Variants in PEAK1 observed in about 807,000 individuals in gnomAD.
PEAK1 encodes the protein inactive tyrosine-protein kinase PEAK1.
In PEAK1, 54 loss-of-function variants were observed where a neutral mutation model predicts 124.7. That is an observed-to-expected ratio of 0.43 (90% CI 0.35 to 0.54). The LOEUF (loss-of-function observed/expected upper bound fraction) is 0.54, where lower values mean the gene tolerates loss of function less well. PEAK1 is among the 20% of genes least tolerant of loss of function. PEAK1 has a pLI of 0.01. For missense variants in PEAK1, 2,046 were observed against 2,134.5 expected (o/e 0.96, Z 0.82); for synonymous variants, 719 against 760.0 (o/e 0.95, Z 0.89).
At chr15:77,287,791 C>A (rs1472697486) in intron 2 of PEAK1, among the ~76,000 whole-genome samples, 1 of 152,190 alleles carries the variant, frequency 6.6e-6, no homozygotes, top group Non-Finnish European at 1.5e-5. Context: ...TTCATCTTTT[C>A]CTAAAATCTG....
chr15:77,272,366 G>A (rs1290289328), intron 5 of PEAK1, among the ~76,000 whole-genome samples: 2 of 152,094 alleles, frequency 1.3e-5, no homozygotes, highest in African/African-American at 4.8e-5. Context: ...GACCATTAGT[G>A]AGATTAACCA....
At position 77,337,786 on chromosome 15, in the gene PEAK1, T is replaced by G. The variant is rs371398596; in HGVS notation, c.-603+27377A>C. The G allele has an allele frequency of 8.5e-5, 84 of 985,292 alleles. No homozygotes were observed. In the African/African-American group the frequency reaches 1.3e-3, roughly 15 times the overall value. The allele number at this position is 985,292 out of a possible 1,614,324, so 61.0% of individuals were successfully genotyped here. ...ACAAAATCTGGAACACATTTTATAC[T>G]TGAGGAAGACAGAATGGAAAACGCT... On this transcript the variant is annotated intron_variant, in intron 2 of 9. Coordinates refer to ENST00000682557, the MANE Select transcript of PEAK1 (RefSeq NM_001385026.1).
At chr15:77,261,689 G>A (rs886948592) in intron 5 of PEAK1, among the ~76,000 whole-genome samples, 5 of 152,148 alleles carry the variant, frequency 3.3e-5, no homozygotes, top group East Asian at 1.9e-4. Context: ...CACTCTGCAG[G>A]ATATTATCCA....
intron 6 of PEAK1, among the ~76,000 whole-genome samples, chr15:77,225,666 TTATATATATATATA>T (rs55958042): frequency 6.8e-5 from 6 of 87,994 alleles, no homozygotes; most frequent in Non-Finnish European, 1.2e-4. Flanking sequence ...TGTGTATAAT[TTATATATATATATA>T]TATATATATA....
At chr15:77,389,192 T>C (rs1246765195) in intron 1 of PEAK1, among the ~76,000 whole-genome samples, 2 of 152,116 alleles carry the variant, frequency 1.3e-5, no homozygotes, top group East Asian at 1.9e-4. Flanking sequence ...GGGCTCAAAG[T>C]GATTCTCCTG....
chr15:77,349,176 A>C (rs2067059092), intron 2 of PEAK1: 1 of 386,898 alleles, frequency 2.6e-6, no homozygotes, highest in Non-Finnish European at 3.5e-6. Context: ...AGTAGCTGGG[A>C]CTACAGGCAC....
intron 2 of PEAK1, among the ~76,000 whole-genome samples, chr15:77,313,644 ATGTATGTATGTGTG>A (rs2064627208): frequency 2.7e-5 from 2 of 75,404 alleles, no homozygotes; most frequent in Non-Finnish European, 5.5e-5. Context: ...GTATGTATGT[ATGTATGTATGTGTG>A]TGTGTGTGTG....
chr15:77,313,742 T>TATATATATATATATA (rs760524195), intron 2 of PEAK1, among the ~76,000 whole-genome samples: 66 of 113,468 alleles, frequency 5.8e-4, no homozygotes, highest in East Asian at 9.1e-4. Flanking sequence ...ATATATATAT[T>TATATATATATATATA]TATTTATTTA....
chr15:77,179,244 T>C lies in PEAK1; in HGVS notation c.2683A>G (p.Lys895Glu), dbSNP rs1426124170. ...GTTGACCTGGTAGGGCTGGTTGGCT[T>C]GGTCCAGTTGGTGAAATGCCTCTGC... ...LLQRHFTNWT[K>E]PTSPTRSTEA... The change falls in exon 7 of 10, where the codon AAG (lysine) becomes GAG (glutamate). Residue 895 changes from lysine (K) to glutamate (E), a missense_variant. Coordinates refer to ENST00000682557, the MANE Select transcript of PEAK1 (RefSeq NM_001385026.1). The C allele has an allele frequency of 3.1e-6, 5 of 1,614,178 alleles. No individual in the cohort carries two copies. Among genetic ancestry groups the C allele is most frequent in the Non-Finnish European group, 4.2e-6 (5 of 1,180,032 alleles).
intron 6 of PEAK1, among the ~76,000 whole-genome samples, chr15:77,214,128 T>C (rs564077078): frequency 1.3e-5 from 2 of 152,276 alleles, no homozygotes; most frequent in African/African-American, 2.4e-5. Flanking sequence ...TTATGGCTAG[T>C]ATGATTCCAT....
At chr15:77,150,198 T>C (rs997309423) in intron 8 of PEAK1, among the ~76,000 whole-genome samples, 32 of 152,186 alleles carry the variant, frequency 2.1e-4, no homozygotes, top group Non-Finnish European at 5.9e-5. Context: ...ATGACTTCTT[T>C]TTTTAAAAAA....
At chr15:77,398,985 A>T (rs954023630) in intron 1 of PEAK1, among the ~76,000 whole-genome samples, 1 of 152,228 alleles carries the variant, frequency 6.6e-6, no homozygotes, top group African/African-American at 2.4e-5. Context: ...CTGAAAAAAA[A>T]GTCAAGAAAG....
rs561849437 is a variant in PEAK1 at position 77,154,260 on chromosome 15, A to G, written c.3331+4243T>C. ...TGTAATGGCCTTCTTTGTCTCTTTTAATCTTTGTTGGTTTAAAGTCTGTTT... is the reference window on the plus strand; with the variant it reads ...TGTAATGGCCTTCTTTGTCTCTTTTGATCTTTGTTGGTTTAAAGTCTGTTT... On this transcript the variant is annotated intron_variant, in intron 8 of 9. Transcript: ENST00000682557. 3.3e-5 allele frequency among the ~76,000 whole-genome samples: 5 copies of G among 151,998 alleles called. No individual in the cohort carries two copies. In the East Asian group the frequency reaches 7.8e-4, roughly 24 times the overall value.
intron 7 of PEAK1, among the ~76,000 whole-genome samples, chr15:77,172,397 A>G (rs578199029): frequency 6.3e-4 from 96 of 152,368 alleles, no homozygotes; most frequent in Non-Finnish European, 1.2e-3. Flanking sequence ...GGTGGCAGAT[A>G]TAAGTTTTTA....
rs1263041808 is a variant in PEAK1, at chr15:77,178,951, C to T, written c.2976G>A (p.Arg992=). The change falls in exon 7 of 10, where the codon AGG becomes AGA. Residue 992 remains arginine (R), a synonymous_variant. Transcript: ENST00000682557. ...TGAGCTGGCCTTGAGCAGGGTCGCA[C>T]CTGTACATGAAGACAATGGCTGGTT... is the stretch of plus-strand genomic sequence containing the variant. ...SEKPAIVFMY[R]CDPAQGQLSV... 3 of 1,614,100 alleles carry T rather than the reference C, an allele frequency of 1.9e-6. No homozygotes were observed. The highest frequency in any genetic ancestry group is 3.3e-5 in the Admixed American group (2 of 59,998).
At chr15:77,116,021 T>C (rs1285293905) in intron 9 of PEAK1, among the ~76,000 whole-genome samples, 1 of 152,210 alleles carries the variant, frequency 6.6e-6, no homozygotes, top group Non-Finnish European at 1.5e-5. Flanking sequence ...ACAGGCCTCA[T>C]TTAATACCCA....
chr15:77,123,556 T>C (rs1197127109), intron 9 of PEAK1, among the ~76,000 whole-genome samples: 1 of 152,186 alleles, frequency 6.6e-6, no homozygotes, highest in Non-Finnish European at 1.5e-5. Context: ...CTGGCCTTAG[T>C]TTCCCACTGT....
At chr15:77,341,164 T>C (rs955858483) in intron 2 of PEAK1, among the ~76,000 whole-genome samples, 1 of 151,856 alleles carries the variant, frequency 6.6e-6, no homozygotes, top group African/African-American at 2.4e-5. Flanking sequence ...TCCCCATGAG[T>C]TAGGGCACTT....
At chr15:77,153,439 C>G (rs2054839195) in intron 8 of PEAK1, among the ~76,000 whole-genome samples, 1 of 152,084 alleles carries the variant, frequency 6.6e-6, no homozygotes, top group African/African-American at 2.4e-5. Context: ...AAAACAGTTC[C>G]TGGATTCATT....
Sources: allele counts gnomAD v4.1 joint callset (sites outside exome capture counted in the v4.1 genomes callset), GRCh38; gene constraint gnomAD v4.1.1; transcripts MANE v1.5; gene names NCBI Gene and HGNC (gene_info 2026-07-23, HGNC 2026-07-21).